ROBO2: variants seen among roughly 807,000 people sequenced by gnomAD.
ROBO2 encodes roundabout homolog 2.
In ROBO2, 53 loss-of-function variants were observed where a neutral mutation model predicts 160.8. The ratio of observed to expected loss-of-function variants is 0.33; its 90% CI spans 0.26 to 0.41. The LOEUF (loss-of-function observed/expected upper bound fraction) is 0.41, where lower values mean the gene tolerates loss of function less well. ROBO2 is among the 10% of genes least tolerant of loss of function. The pLI is 1.00. For synonymous variants in ROBO2, 664 were observed against 611.7 expected (o/e 1.09, Z -1.26); for missense variants, 1,577 against 1,722.4 (o/e 0.92, Z 1.49).
intron 2 of ROBO2, among the ~76,000 whole-genome samples, chr3:76,131,013 G>A (rs1290062947): frequency 6.6e-6 from 1 of 152,112 alleles, no homozygotes; most frequent in Non-Finnish European, 1.5e-5. Context: ...ATGCTGAGAA[G>A]AATTCACAAT....
At chr3:76,632,105 G>C (rs998093277) in intron 2 of ROBO2, among the ~76,000 whole-genome samples, 1 of 152,172 alleles carries the variant, frequency 6.6e-6, no homozygotes, top group Non-Finnish European at 1.5e-5. Context: ...TCTGCCCTAG[G>C]AGTTGAAATC....
chr3:77,145,873 T>C (rs114608525), intron 2 of ROBO2, among the ~76,000 whole-genome samples: 1,994 of 152,298 alleles, frequency 0.013, 66 homozygotes, highest in African/African-American at 0.045. Flanking sequence ...TTGCTGTTTG[T>C]TGGTTGAACA....
intron 2 of ROBO2, among the ~76,000 whole-genome samples, chr3:76,749,683 C>T (rs2093948285): frequency 6.6e-6 from 1 of 151,980 alleles, no homozygotes; most frequent in Admixed American, 6.6e-5. Flanking sequence ...AGGGCATAGG[C>T]CAAAATACGT....
chr3:77,282,374 G>C (rs993404005), intron 2 of ROBO2, among the ~76,000 whole-genome samples: 1 of 152,014 alleles, frequency 6.6e-6, no homozygotes, highest in Non-Finnish European at 1.5e-5. Context: ...TATGGTAGCT[G>C]ACAGGTACTG....
At chr3:77,021,347 C>T (rs1020378147) in intron 2 of ROBO2, among the ~76,000 whole-genome samples, 2 of 152,164 alleles carry the variant, frequency 1.3e-5, no homozygotes, top group African/African-American at 2.4e-5. Flanking sequence ...GCCCCTCTTT[C>T]ATTTCCAAGG....
At chr3:77,439,209 A>C (rs145825895) in intron 2 of ROBO2, among the ~76,000 whole-genome samples, 8 of 152,200 alleles carry the variant, frequency 5.3e-5, no homozygotes, top group Admixed American at 4.6e-4. Context: ...TAATAGCAAA[A>C]AGTGAGTAAT....
At chr3:76,882,106 G>A (rs1277573823) in intron 2 of ROBO2, among the ~76,000 whole-genome samples, 1 of 149,500 alleles carries the variant, frequency 6.7e-6, no homozygotes, top group African/African-American at 2.5e-5. Context: ...GTGTGTGTGT[G>A]TGTGTGTCTG....
At chr3:77,113,738 C>T (rs929746186) in intron 2 of ROBO2, among the ~76,000 whole-genome samples, 9 of 152,114 alleles carry the variant, frequency 5.9e-5, no homozygotes, top group Non-Finnish European at 8.8e-5. Context: ...GGGTCCTCAC[C>T]CTATGCATAA....
intron 2 of ROBO2, among the ~76,000 whole-genome samples, chr3:76,743,594 G>C (rs2093837465): frequency 6.6e-6 from 1 of 152,048 alleles, no homozygotes; most frequent in Non-Finnish European, 1.5e-5. Flanking sequence ...AGTGAATCAT[G>C]TAAACATAAA....
chr3:76,429,802 T>G (rs963513438), intron 2 of ROBO2, among the ~76,000 whole-genome samples: 1 of 152,206 alleles, frequency 6.6e-6, no homozygotes, highest in African/African-American at 2.4e-5. Context: ...TCTGGTCTTT[T>G]GCCATCTGCT....
intron 2 of ROBO2, among the ~76,000 whole-genome samples, chr3:76,883,128 TTATAAC>T (rs954617178): frequency 6.6e-6 from 1 of 152,138 alleles, no homozygotes; most frequent in Non-Finnish European, 1.5e-5. Flanking sequence ...GTCTGACATA[TTATAAC>T]TATTTTAATT....
chr3:77,426,608 C>CTGTGTGTG (rs9309768), intron 2 of ROBO2, among the ~76,000 whole-genome samples: 24,656 of 140,548 alleles, frequency 0.18, 2,728 homozygotes, highest in Non-Finnish European at 0.25. Flanking sequence ...ATGTGTGTGT[C>CTGTGTGTG]TGTGTGTGTG....
intron 2 of ROBO2, among the ~76,000 whole-genome samples, chr3:76,645,409 T>C (rs577293981): frequency 6.6e-6 from 1 of 152,308 alleles, no homozygotes; most frequent in East Asian, 1.9e-4. Flanking sequence ...TTGTTCTGCC[T>C]AAAGAGCAGT....
At chr3:77,301,880 CTT>C in intron 2 of ROBO2, among the ~76,000 whole-genome samples, 1 of 145,764 alleles carries the variant, frequency 6.9e-6, no homozygotes, top group East Asian at 2.0e-4. Context: ...CTTCAATTTC[CTT>C]TTTTTTTTTC....
intron 2 of ROBO2, among the ~76,000 whole-genome samples, chr3:76,166,172 A>G (rs917231627): frequency 7.2e-5 from 11 of 152,220 alleles, no homozygotes; most frequent in Non-Finnish European, 1.3e-4. Context: ...TGTGAAAAGC[A>G]CAATATCTGC....
chr3:75,941,644 A>G (rs2107077886), intron 2 of ROBO2, among the ~76,000 whole-genome samples: 1 of 152,304 alleles, frequency 6.6e-6, no homozygotes, highest in Non-Finnish European at 1.5e-5. Context: ...AATTTAATTT[A>G]ACTTCCATTT....
chr3:76,440,867 A>G (rs1400110233), intron 2 of ROBO2, among the ~76,000 whole-genome samples: 1 of 149,668 alleles, frequency 6.7e-6, no homozygotes, highest in East Asian at 1.9e-4. Flanking sequence ...GGCTGCCTCC[A>G]CTGTAAAACA....
chr3:77,077,532 G>A (rs1237231825), intron 1 of ROBO2, among the ~76,000 whole-genome samples: 1 of 152,174 alleles, frequency 6.6e-6, no homozygotes, highest in African/African-American at 2.4e-5. Flanking sequence ...TAAAGTGGGT[G>A]ATTGCTGGGG....
chr3:76,675,372 T>C (rs190024281), intron 2 of ROBO2, among the ~76,000 whole-genome samples: 1 of 152,160 alleles, frequency 6.6e-6, no homozygotes, highest in Non-Finnish European at 1.5e-5. Flanking sequence ...GCAGAAAAAA[T>C]CTTACATTTC....
Sources: allele counts gnomAD v4.1 joint callset (sites outside exome capture counted in the v4.1 genomes callset), GRCh38; gene constraint gnomAD v4.1.1; transcripts MANE v1.5; gene names NCBI Gene and HGNC (gene_info 2026-07-23, HGNC 2026-07-21).